Variants in KIAA0232 observed in about 807,000 individuals in gnomAD.
KIAA0232 encodes the protein KIAA0232, also known as uncharacterized protein KIAA0232.
A neutral mutation model predicts 122.0 loss-of-function variants in KIAA0232; 27 were observed. That is an observed-to-expected ratio of 0.22 (90% confidence interval 0.16 to 0.31). The LOEUF (loss-of-function observed/expected upper bound fraction) is 0.31. Ranked by LOEUF, KIAA0232 falls within the 10% of genes least tolerant of loss-of-function variation. The pLI, the probability that KIAA0232 is intolerant of heterozygous loss-of-function variation, is 1.00. For missense variants in KIAA0232, 1,551 were observed against 1,634.2 expected, an observed-to-expected ratio of 0.95 and a Z score of 0.88; for synonymous variants, 613 against 587.6, an observed-to-expected ratio of 1.04 and a Z score of -0.63.
At chr4:6,809,137 T>A (rs1401841565) in intron 2 of KIAA0232, among the ~76,000 whole-genome samples, 5 of 152,218 alleles carry the variant, frequency 3.3e-5, no homozygotes, top group African/African-American at 7.2e-5. Context: ...TTCAGCCGTG[T>A]CTGTGCTTTC....
intron 1 of KIAA0232, among the ~76,000 whole-genome samples, chr4:6,800,511 A>C (rs890815390): frequency 2.8e-4 from 43 of 151,518 alleles, no homozygotes; most frequent in Admixed American, 9.9e-4. Flanking sequence ...GAGAAACCCC[A>C]TCTCTACTAA....
At chr4:6,865,609 T>G (rs1447496427) in intron 7 of KIAA0232, among the ~76,000 whole-genome samples, 1 of 152,102 alleles carries the variant, frequency 6.6e-6, no homozygotes, top group African/African-American at 2.4e-5. Context: ...CCCAGCTTAT[T>G]GAAAAAAAGA....
At position 6,863,821 on chromosome 4, in the gene KIAA0232, C is replaced by G. The variant is rs1721024327; in HGVS notation, c.3439C>G (p.Pro1147Ala). Residue 1147 changes from proline (P) to alanine (A), a missense_variant, in exon 7 of 10, where the codon CCG becomes GCG. By Grantham distance (27) the Pro-to-Ala change is conservative. Around this residue, in one of 5 missense-constraint regions of KIAA0232, gnomAD observed 1,108 missense variants for 1,154.8 expected, o/e 0.96. Transcript: ENST00000307659. Reference sequence around the variant, plus strand: ...TTCTCAAGTTGATATATTTGAAGATCCGCAGGCAGATCTCAAACCTTTGGA... The same window carrying G: ...TTCTCAAGTTGATATATTTGAAGATGCGCAGGCAGATCTCAAACCTTTGGA... ...IPSQVDIFED[P>A]QADLKPLEED... The G allele has an allele frequency of 6.2e-7, 1 of 1,614,126 alleles. No individual in the cohort carries two copies. Among genetic ancestry groups the G allele is most frequent in the Non-Finnish European group, 8.5e-7 (1 of 1,180,030 alleles).
Position 6,799,498 on chromosome 4 carries a change from G to A in KIAA0232, c.-353-5025G>A, listed in dbSNP as rs577435118. ...AATTCATCTCTTTACATTAAAGCTA[G>A]GTCTGTCAGAGGAATTGGGATAAAA... On this transcript the variant is annotated intron_variant, in intron 1 of 9. Coordinates refer to ENST00000307659, the MANE Select transcript of KIAA0232 (RefSeq NM_014743.3). 3.3e-5 allele frequency among the ~76,000 whole-genome samples: 5 copies of A among 151,776 alleles called. No individual in the cohort carries two copies. In the East Asian group the frequency reaches 7.7e-4, roughly 23 times the overall value.
chr4:6,856,852 G>A (rs909111745), intron 4 of KIAA0232, among the ~76,000 whole-genome samples: 2 of 152,186 alleles, frequency 1.3e-5, no homozygotes, highest in Admixed American at 6.5e-5. Context: ...GGACATTTAG[G>A]CCCTTAAATC....
intron 1 of KIAA0232, among the ~76,000 whole-genome samples, chr4:6,803,147 C>T (rs888976625): frequency 5.3e-5 from 8 of 150,990 alleles, no homozygotes; most frequent in African/African-American, 1.7e-4. Flanking sequence ...TACCACTGCA[C>T]CTCCAGCCTG....
chr4:6,878,795 C>T (rs1386217661), intron 9 of KIAA0232, among the ~76,000 whole-genome samples: 1 of 152,224 alleles, frequency 6.6e-6, no homozygotes, highest in African/African-American at 2.4e-5. Flanking sequence ...TCAGTATTAA[C>T]CATCTGTCAG....
intron 1 of KIAA0232, among the ~76,000 whole-genome samples, chr4:6,791,632 A>G (rs1716899631): frequency 6.6e-6 from 1 of 152,122 alleles, no homozygotes; most frequent in Non-Finnish European, 1.5e-5. Flanking sequence ...CCTGGACTCA[A>G]GCCGACTTTT....
chr4:6,857,255 C>T (rs1196703859), intron 5 of KIAA0232, 25 bp downstream of exon 5: 1 of 1,593,912 alleles, frequency 6.3e-7, no homozygotes, highest in East Asian at 2.3e-5. Flanking sequence ...ACTGTGCGCA[C>T]ACATGCCAGG....
intron 1 of KIAA0232, among the ~76,000 whole-genome samples, chr4:6,786,434 C>G (rs1716619831): frequency 6.6e-6 from 1 of 152,128 alleles, no homozygotes; most frequent in South Asian, 2.1e-4. Flanking sequence ...TCCTGAGTAG[C>G]TGGGACCACG....
chr4:6,865,945 A>T (rs1721155033), intron 7 of KIAA0232, among the ~76,000 whole-genome samples: 1 of 151,996 alleles, frequency 6.6e-6, no homozygotes, highest in Admixed American at 6.5e-5. Context: ...ACCATGCCTT[A>T]CTTATTTGTC....
chr4:6,858,804 C>T (rs780680725), intron 6 of KIAA0232, among the ~76,000 whole-genome samples: 5 of 152,080 alleles, frequency 3.3e-5, no homozygotes, highest in Non-Finnish European at 7.4e-5. Context: ...CCCTTTGAGA[C>T]AGCTGTGAGA....
At chr4:6,871,522 C>A in intron 7 of KIAA0232, 52 bp from the exon 8 acceptor site, 1 of 1,029,436 alleles carries the variant, frequency 9.7e-7, no homozygotes, top group South Asian at 1.4e-5. Context: ...AATATTCTTC[C>A]TCTAACCTGA....
intron 1 of KIAA0232, among the ~76,000 whole-genome samples, chr4:6,791,982 A>G (rs1716914363): frequency 6.6e-6 from 1 of 152,092 alleles, no homozygotes; most frequent in South Asian, 2.1e-4. Flanking sequence ...TAAAAAGGGG[A>G]GTTTCCCTGC....
At chr4:6,850,159 T>C (rs573652753) in intron 4 of KIAA0232, among the ~76,000 whole-genome samples, 1 of 152,242 alleles carries the variant, frequency 6.6e-6, no homozygotes, top group South Asian at 2.1e-4. Context: ...AAAATAGACA[T>C]GCGTGGGGTT....
intron 1 of KIAA0232, among the ~76,000 whole-genome samples, chr4:6,804,256 C>T (rs1445484394): frequency 6.6e-6 from 1 of 152,166 alleles, no homozygotes; most frequent in Non-Finnish European, 1.5e-5. Flanking sequence ...TCTAGCGGGC[C>T]TCCCTCCACC....
At chr4:6,813,225 T>C (rs1257680029) in intron 2 of KIAA0232, among the ~76,000 whole-genome samples, 2 of 152,184 alleles carry the variant, frequency 1.3e-5, no homozygotes, top group African/African-American at 4.8e-5. Flanking sequence ...GTGAACTTCT[T>C]CAAAACAATT....
rs2108871486 is a variant in KIAA0232 at position 6,883,017 on chromosome 4, G to T, written c.*2051G>T. 1 of 152,486 alleles carries T rather than the reference G, an allele frequency of 6.6e-6. No homozygotes were observed. Among genetic ancestry groups the T allele is most frequent in the Admixed American group, 6.5e-5 (1 of 15,304 alleles). The allele number at this position is 152,486 out of a possible 1,614,324, so 9.4% of individuals were successfully genotyped here. The stretch of plus-strand genomic sequence containing the variant: ...GATGCAGCACCTTCCACAGGTGAAT[G>T]GGACGGATTCGAAGTGAGCAAAGGG... On this transcript the variant is annotated 3_prime_UTR_variant, in exon 10 of 10. Coordinates refer to ENST00000307659, the MANE Select transcript of KIAA0232 (RefSeq NM_014743.3).
chr4:6,805,175 G>C (rs570155441), intron 2 of KIAA0232, among the ~76,000 whole-genome samples: 5 of 152,154 alleles, frequency 3.3e-5, no homozygotes, highest in South Asian at 4.1e-4. Flanking sequence ...TATCTTCCTA[G>C]GGTCCAGAAG....
Sources: allele counts gnomAD v4.1 joint callset (sites outside exome capture counted in the v4.1 genomes callset), GRCh38; gene constraint gnomAD v4.1.1; regional missense constraint gnomAD v4.1.1; transcripts MANE v1.5; gene names NCBI Gene and HGNC (gene_info 2026-07-23, HGNC 2026-07-21).